Variants in MIPEP observed in about 807,000 individuals in gnomAD.
MIPEP encodes mitochondrial intermediate peptidase.
A neutral mutation model predicts 90.3 loss-of-function variants in MIPEP; 79 were observed. That is an observed-to-expected ratio of 0.87 (90% confidence interval 0.73 to 1.05). MIPEP has a LOEUF of 1.05. MIPEP is among the 50% of genes least tolerant of loss of function. The pLI is 0.00. For missense variants in MIPEP, 940 were observed against 905.6 expected (o/e 1.04, Z -0.49); for synonymous variants, 334 against 315.8 (o/e 1.06, Z -0.61).
At chr13:23,809,368 C>T (rs866019425) in intron 15 of MIPEP, among the ~76,000 whole-genome samples, 2 of 146,390 alleles carry the variant, frequency 1.4e-5, no homozygotes, top group African/African-American at 5.1e-5. Flanking sequence ...TTTTTTGAGA[C>T]AGAGTCTCAC....
At chr13:23,847,676 G>T (rs1275922369) in intron 10 of MIPEP, among the ~76,000 whole-genome samples, 3 of 152,096 alleles carry the variant, frequency 2.0e-5, no homozygotes, top group African/African-American at 7.2e-5. Flanking sequence ...AAAAAAATGA[G>T]ATAGTACCAC....
intron 16 of MIPEP, among the ~76,000 whole-genome samples, chr13:23,798,812 T>C (rs1329820790): frequency 1.3e-5 from 2 of 151,932 alleles, no homozygotes; most frequent in Non-Finnish European, 2.9e-5. Context: ...CCTGAGGCCT[T>C]CCCAGAAGCT....
chr13:23,879,797 C>G (rs1482937604), intron 3 of MIPEP, among the ~76,000 whole-genome samples: 1 of 152,146 alleles, frequency 6.6e-6, no homozygotes, highest in Non-Finnish European at 1.5e-5. Flanking sequence ...GCTGTGGGAC[C>G]TTGGACACGT....
At chr13:23,771,820 T>C (rs1055136124) in intron 16 of MIPEP, among the ~76,000 whole-genome samples, 2 of 152,194 alleles carry the variant, frequency 1.3e-5, no homozygotes, top group African/African-American at 4.8e-5. Context: ...TTGGTTTGAA[T>C]AATTGCTGCT....
rs7337454 is a variant in MIPEP, at chr13:23,800,253, G to A, written c.1848+5697C>T. Reference sequence around the variant, plus strand: ...TTTCATCCCAGAGCTTTCTGGACACGACTGTATCTCAACTGTGTCAGAGAG... The same window carrying A: ...TTTCATCCCAGAGCTTTCTGGACACAACTGTATCTCAACTGTGTCAGAGAG... On this transcript the variant is annotated intron_variant, in intron 16 of 18. Coordinates refer to ENST00000382172, the MANE Select transcript of MIPEP (RefSeq NM_005932.4). Among the ~76,000 whole-genome samples the A allele has an allele frequency of 7.8e-3, 1,181 of 152,278 alleles. 20 individuals carry two copies. Among genetic ancestry groups the A allele is most frequent in the African/African-American group, 0.026 (1,065 of 41,544 alleles).
intron 9 of MIPEP, 23 bp from the exon 10 acceptor site, chr13:23,858,935 TA>T (rs775995094): frequency 6.2e-7 from 1 of 1,601,524 alleles, no homozygotes. Context: ...AATTCACTGT[TA>T]AGGAAAGCTA....
At position 23,809,902 on chromosome 13, in the gene MIPEP, G is replaced by T; in HGVS notation, c.1676C>A (p.Ser559Tyr). Reference sequence around the variant, plus strand: ...AACCTTTTTAGATTCACAAAGACGAGACACCATATTTTTTGGCAGTGGCTT... The same window carrying T: ...AACCTTTTTAGATTCACAAAGACGATACACCATATTTTTTGGCAGTGGCTT... ...TGQPLPKNMV[S>Y]RLCESKKVCA... The change falls in exon 15 of 19, where the codon TCT (serine) becomes TAT (tyrosine). Residue 559 changes from serine (S) to tyrosine (Y), a missense_variant. Ser to Tyr is a moderately radical substitution (Grantham distance 144). Coordinates refer to ENST00000382172, the MANE Select transcript of MIPEP (RefSeq NM_005932.4). 6.2e-7 allele frequency: 1 copy of T among 1,613,416 alleles called. No homozygotes were observed. Among genetic ancestry groups the T allele is most frequent in the Non-Finnish European group, 8.5e-7 (1 of 1,179,598 alleles).
intron 4 of MIPEP, 63 bp from the exon 5 acceptor site, chr13:23,874,972 G>GT (rs1491525558): frequency 1.7e-5 from 24 of 1,402,370 alleles, no homozygotes; most frequent in Middle Eastern, 2.0e-4. Flanking sequence ...AAAAATTGTG[G>GT]TTTTTTGTTA....
intron 14 of MIPEP, among the ~76,000 whole-genome samples, chr13:23,826,110 G>C (rs1868442028): frequency 6.6e-6 from 1 of 151,978 alleles, no homozygotes; most frequent in Non-Finnish European, 1.5e-5. Context: ...AGATTAAGAG[G>C]ATAACATATA....
chr13:23,743,616 TAGAC>T (rs1268500226), intron 18 of MIPEP, among the ~76,000 whole-genome samples: 1 of 152,246 alleles, frequency 6.6e-6, no homozygotes, highest in African/African-American at 2.4e-5. Flanking sequence ...GAACCTGTGT[TAGAC>T]AGAAGTTGAG....
intron 16 of MIPEP, among the ~76,000 whole-genome samples, chr13:23,793,348 C>T (rs1593157518): frequency 6.6e-6 from 1 of 152,210 alleles, no homozygotes; most frequent in Non-Finnish European, 1.5e-5. Context: ...CTGTATGATG[C>T]CACCTACATG....
intron 10 of MIPEP, among the ~76,000 whole-genome samples, chr13:23,854,901 G>A (rs9510900): frequency 6.7e-5 from 10 of 148,220 alleles, no homozygotes; most frequent in East Asian, 2.0e-4. Flanking sequence ...CAAAAAAAAA[G>A]AAAAAAAAAC....
chr13:23,779,309 T>C (rs557171631), intron 16 of MIPEP, among the ~76,000 whole-genome samples: 22 of 152,314 alleles, frequency 1.4e-4, no homozygotes, highest in Admixed American at 1.4e-3. Context: ...GTATCAAAGA[T>C]AGTATGTTTT....
intron 16 of MIPEP, among the ~76,000 whole-genome samples, chr13:23,802,575 G>C (rs1214253855): frequency 6.6e-6 from 1 of 152,118 alleles, no homozygotes; most frequent in Non-Finnish European, 1.5e-5. Context: ...CTGAAGGCAG[G>C]GGGGGAAGTC....
intron 15 of MIPEP, among the ~76,000 whole-genome samples, chr13:23,807,355 C>T (rs7326949): frequency 0.99 from 150,402 of 152,356 alleles, 74,284 homozygotes; most frequent in Middle Eastern, 1. Flanking sequence ...AATTTTGACA[C>T]GCAATTATGC....
chr13:23,755,763 T>C (rs1331567312), intron 18 of MIPEP, among the ~76,000 whole-genome samples: 1 of 152,196 alleles, frequency 6.6e-6, no homozygotes, highest in East Asian at 1.9e-4. Flanking sequence ...GAAAATTACA[T>C]AGAAAAAAAG....
intron 14 of MIPEP, among the ~76,000 whole-genome samples, chr13:23,823,279 T>C (rs1593174330): frequency 6.6e-6 from 1 of 152,216 alleles, no homozygotes; most frequent in East Asian, 1.9e-4. Flanking sequence ...CAGAGTATCC[T>C]ATTTTCTCAT....
At chr13:23,763,372 G>A (rs930487989) in intron 16 of MIPEP, among the ~76,000 whole-genome samples, 1 of 152,226 alleles carries the variant, frequency 6.6e-6, no homozygotes, top group African/African-American at 2.4e-5. Context: ...GTCTCTCAGG[G>A]TGGAAGCCCC....
At chr13:23,765,870 A>G (rs1027285739) in intron 16 of MIPEP, 1 of 152,200 alleles carries the variant, frequency 6.6e-6, no homozygotes, top group African/African-American at 2.4e-5. Context: ...GTTTCATTTA[A>G]GTAATTTATT....
Sources: gnomAD v4.1 joint callset for allele counts (sites outside exome capture counted in the v4.1 genomes callset) on GRCh38, gnomAD v4.1.1 for gene constraint, MANE v1.5 for transcripts, NCBI Gene and HGNC (gene_info 2026-07-23, HGNC 2026-07-21) for gene names.